Variants in PTPRT observed in about 807,000 individuals in gnomAD.
PTPRT encodes receptor-type tyrosine-protein phosphatase T.
PTPRT carries 56 observed loss-of-function variants against 176.8 expected under a neutral mutation model. That is an observed-to-expected ratio of 0.32 (90% confidence interval 0.26 to 0.40). PTPRT has a LOEUF of 0.40. PTPRT is among the 10% of genes least tolerant of loss of function. The pLI is 1.00. For synonymous variants in PTPRT, 783 were observed against 739.0 expected (o/e 1.06, Z -0.96); for missense variants, 1,540 against 1,908.2 (o/e 0.81, Z 3.60).
intron 11 of PTPRT, among the ~76,000 whole-genome samples, chr20:42,344,034 G>A (rs946735076): frequency 6.6e-6 from 1 of 152,174 alleles, no homozygotes; most frequent in Non-Finnish European, 1.5e-5. Context: ...CAACTAGCTG[G>A]AATTACAGGT....
At chr20:42,588,855 C>A (rs1012796923) in intron 7 of PTPRT, among the ~76,000 whole-genome samples, 5 of 152,124 alleles carry the variant, frequency 3.3e-5, no homozygotes, top group African/African-American at 1.2e-4. Flanking sequence ...ACACTTAAGT[C>A]CTCACAGCAA....
chr20:42,075,348 C>A lies in PTPRT; in HGVS notation c.*5531G>T, dbSNP rs1282686610. ...GTTTTTTTTCTTCTAACCTACCCTC[C>A]AGTTGGGTTGACCATTTTTTTCCCT... On this transcript the variant is annotated 3_prime_UTR_variant, in exon 31 of 31. Coordinates refer to ENST00000373187, the MANE Select transcript of PTPRT (RefSeq NM_007050.6). The A allele has an allele frequency of 4.3e-6, 1 of 229,996 alleles. No homozygotes were observed. The highest frequency in any genetic ancestry group is 8.6e-6 in the Non-Finnish European group (1 of 116,156). 14.2% of individuals were successfully genotyped at this position (229,996 alleles called of 1,614,324 possible). A position where few individuals can be genotyped will look rare whatever the true frequency, so the allele number is the denominator to read the frequency against.
intron 1 of PTPRT, among the ~76,000 whole-genome samples, chr20:43,139,812 G>A (rs1181869386): frequency 2.6e-5 from 4 of 152,268 alleles, no homozygotes; most frequent in Admixed American, 2.6e-4. Context: ...CCTTCTCCAG[G>A]GATTTAGAAG....
chr20:42,272,006 G>T (rs112425494), intron 13 of PTPRT, among the ~76,000 whole-genome samples: 1 of 152,272 alleles, frequency 6.6e-6, no homozygotes, highest in East Asian at 1.9e-4. Context: ...AATATGAAAA[G>T]TTTTGCTGTT....
At chr20:43,086,797 G>A (rs1434335945) in intron 1 of PTPRT, among the ~76,000 whole-genome samples, 1 of 152,158 alleles carries the variant, frequency 6.6e-6, no homozygotes, top group Non-Finnish European at 1.5e-5. Context: ...TTATAACCGG[G>A]GGCTGGGAGG....
intron 7 of PTPRT, among the ~76,000 whole-genome samples, chr20:42,585,545 A>G (rs1395742055): frequency 2.0e-5 from 3 of 152,162 alleles, no homozygotes; most frequent in Non-Finnish European, 4.4e-5. Flanking sequence ...CTACAGTCAT[A>G]ATAGTTAACA....
At chr20:42,409,035 A>C (rs1252036641) in intron 9 of PTPRT, among the ~76,000 whole-genome samples, 1 of 152,164 alleles carries the variant, frequency 6.6e-6, no homozygotes, top group East Asian at 1.9e-4. Flanking sequence ...ATACTATCAC[A>C]CTGATGATGA....
At chr20:42,792,635 G>A (rs1221407767) in intron 2 of PTPRT, among the ~76,000 whole-genome samples, 1 of 152,096 alleles carries the variant, frequency 6.6e-6, no homozygotes, top group East Asian at 1.9e-4. Context: ...GATTCTAGAA[G>A]GACAGTTTCC....
intron 14 of PTPRT, among the ~76,000 whole-genome samples, chr20:42,246,328 A>G (rs2056450518): frequency 6.6e-6 from 1 of 151,916 alleles, no homozygotes; most frequent in Non-Finnish European, 1.5e-5. Context: ...CTCCCCTCCC[A>G]TCTGTAAACT....
chr20:42,414,459 G>A (rs1379202097), intron 9 of PTPRT, among the ~76,000 whole-genome samples: 1 of 152,192 alleles, frequency 6.6e-6, no homozygotes, highest in Non-Finnish European at 1.5e-5. Context: ...TTTTAAAAAG[G>A]AGGTAAAAAC....
At chr20:42,568,580 CT>C (rs1218758238) in intron 7 of PTPRT, among the ~76,000 whole-genome samples, 1 of 152,146 alleles carries the variant, frequency 6.6e-6, no homozygotes, top group Admixed American at 6.5e-5. Context: ...TTCCATGCCC[CT>C]CTGGGTTGGC....
chr20:42,945,198 T>A (rs898914022), intron 1 of PTPRT, among the ~76,000 whole-genome samples: 1 of 151,696 alleles, frequency 6.6e-6, no homozygotes, highest in African/African-American at 2.4e-5. Flanking sequence ...TATATATGTA[T>A]GTATGTATGT....
At chr20:42,924,581 CTT>C (rs1365173413) in intron 1 of PTPRT, among the ~76,000 whole-genome samples, 7 of 152,230 alleles carry the variant, frequency 4.6e-5, no homozygotes, top group Non-Finnish European at 1.0e-4. Flanking sequence ...AGTGAAATCA[CTT>C]TGACTCACAT....
Position 42,338,003 on chromosome 20 carries a change from T to C in PTPRT, c.1865+12625A>G, listed in dbSNP as rs549147253. On this transcript the variant is annotated intron_variant, in intron 11 of 30. Transcript: ENST00000373187. ...CTGAACAGAGCCTCCCGTGTCAGCT[T>C]CCTGAACTGAAAGATGACTACCTTT... Among the ~76,000 whole-genome samples the C allele has an allele frequency of 2.6e-5, 4 of 152,188 alleles. No homozygotes were observed. In the South Asian group the frequency reaches 8.3e-4, roughly 32 times the overall value.
chr20:42,546,022 A>C (rs956545183), intron 7 of PTPRT, among the ~76,000 whole-genome samples: 4 of 152,184 alleles, frequency 2.6e-5, no homozygotes, highest in African/African-American at 9.7e-5. Flanking sequence ...CTTTCAATAC[A>C]TACAAATACA....
At chr20:42,858,137 A>C (rs890588280) in intron 2 of PTPRT, among the ~76,000 whole-genome samples, 1 of 152,200 alleles carries the variant, frequency 6.6e-6, no homozygotes, top group Non-Finnish European at 1.5e-5. Flanking sequence ...TATTAGACCC[A>C]AAGCTACTTT....
intron 7 of PTPRT, among the ~76,000 whole-genome samples, chr20:42,652,330 T>A (rs944191242): frequency 6.6e-6 from 1 of 152,130 alleles, no homozygotes; most frequent in Non-Finnish European, 1.5e-5. Context: ...AGAACCTCCT[T>A]GAGTACTTAC....
At chr20:42,613,028 A>T (rs2074000315) in intron 7 of PTPRT, among the ~76,000 whole-genome samples, 1 of 152,206 alleles carries the variant, frequency 6.6e-6, no homozygotes, top group South Asian at 2.1e-4. Flanking sequence ...CACTCAAGAG[A>T]TTATCTGCTT....
At chr20:42,211,487 G>A (rs1289321751) in intron 15 of PTPRT, among the ~76,000 whole-genome samples, 1 of 150,634 alleles carries the variant, frequency 6.6e-6, no homozygotes, top group African/African-American at 2.4e-5. Context: ...GTGGGCGAAG[G>A]ACATGAACAG....
Sources: allele counts gnomAD v4.1 joint callset (sites outside exome capture counted in the v4.1 genomes callset), GRCh38; gene constraint gnomAD v4.1.1; transcripts MANE v1.5; gene names NCBI Gene and HGNC (gene_info 2026-07-23, HGNC 2026-07-21).